Variants in CNIH3 observed in about 807,000 individuals in gnomAD.
The protein encoded by CNIH3 is cornichon family AMPA receptor auxiliary protein 3, also known as protein cornichon homolog 3.
Under a neutral mutation model 24.1 loss-of-function variants are expected in CNIH3, and 14 were observed. The observed-to-expected ratio is 0.58, with a 90% CI of 0.38 to 0.91. The LOEUF is 0.91. Among genes scored for constraint, CNIH3 ranks in the 40% least tolerant of loss-of-function variants. The pLI is 0.00. For missense variants in CNIH3, 178 were observed against 196.8 expected, an observed-to-expected ratio of 0.90 and a Z score of 0.57; for synonymous variants, 68 against 73.8, an observed-to-expected ratio of 0.92 and a Z score of 0.40.
intron 3 of CNIH3, among the ~76,000 whole-genome samples, chr1:224,720,037 G>C (rs1159091997): frequency 6.6e-6 from 1 of 152,136 alleles, no homozygotes; most frequent in Non-Finnish European, 1.5e-5. Context: ...CTCTGGGTCA[G>C]GACGTTCAGC....
At chr1:224,485,484 C>T (rs1386050884) in intron 1 of CNIH3, among the ~76,000 whole-genome samples, 1 of 152,022 alleles carries the variant, frequency 6.6e-6, no homozygotes, top group East Asian at 1.9e-4. Flanking sequence ...CTCACCTCAC[C>T]CCACCACCGC....
rs967462550 is a variant in CNIH3 at position 224,525,282 on chromosome 1, C to G, written n.343+3955C>G. On this transcript the variant is annotated intron_variant and non_coding_transcript_variant, in intron 2 of 2. Transcript: ENST00000470602. ...ATATTTGGTGTCATGCAACTTTTAA[C>G]TAAATGAAAGGAGAGTGGCTTTTAC... Among the ~76,000 whole-genome samples the G allele has an allele frequency of 5.3e-5, 8 of 152,218 alleles. No homozygotes were observed. In the East Asian group the frequency reaches 1.5e-3, roughly 29 times the overall value.
chr1:224,457,938 A>G (rs1335075610), intron 1 of CNIH3, among the ~76,000 whole-genome samples: 1 of 152,194 alleles, frequency 6.6e-6, no homozygotes, highest in African/African-American at 2.4e-5. Flanking sequence ...GGTGGTCCCT[A>G]GAGAGTGCAG....
intron 1 of CNIH3, among the ~76,000 whole-genome samples, chr1:224,456,510 G>A (rs1675661584): frequency 6.6e-6 from 1 of 152,228 alleles, no homozygotes. Flanking sequence ...TCCCGGGCTC[G>A]AGCCATCCTC....
chr1:224,708,670 C>G (rs1687960113), intron 3 of CNIH3, among the ~76,000 whole-genome samples: 1 of 152,202 alleles, frequency 6.6e-6, no homozygotes, highest in African/African-American at 2.4e-5. Context: ...TGTAGTATGA[C>G]ATGACTAGTC....
chr1:224,680,863 CTGTTG>C lies in CNIH3; in HGVS notation c.82-90_82-86del. ...CATGCCATCTACAGCCTCTTCCTTT[CTGTTG>C]TGTTATTTGGAAGCAAATCCACAGA... On this transcript the variant is annotated intron_variant, in intron 1 of 5. Transcript: ENST00000272133. 1.5e-5 allele frequency: 14 copies of C among 922,358 alleles called. No homozygotes were observed. The South Asian group carries it at 1.5e-4, about 10-fold the overall frequency. The allele number at this position is 922,358 out of a possible 1,614,324, so 57.1% of individuals were successfully genotyped here.
chr1:224,564,019 G>T (rs1192817103), intron 3 of CNIH3, among the ~76,000 whole-genome samples: 1 of 152,180 alleles, frequency 6.6e-6, no homozygotes, highest in Admixed American at 6.5e-5. Flanking sequence ...ATCCTGGAAA[G>T]GAATAGGTCC....
chr1:224,567,543 T>C (rs1680630319), intron 4 of CNIH3, among the ~76,000 whole-genome samples: 2 of 152,214 alleles, frequency 1.3e-5, no homozygotes, highest in South Asian at 4.1e-4. Flanking sequence ...CCTTTTGTAT[T>C]AGGTTGGTGC....
intron 1 of CNIH3, among the ~76,000 whole-genome samples, chr1:224,638,688 G>T (rs999307550): frequency 2.6e-5 from 4 of 152,150 alleles, no homozygotes; most frequent in Non-Finnish European, 5.9e-5. Context: ...CAAGTGATTA[G>T]AACATGCAGG....
At chr1:224,507,700 T>C (rs753595907) in intron 1 of CNIH3, among the ~76,000 whole-genome samples, 4 of 152,216 alleles carry the variant, frequency 2.6e-5, no homozygotes, top group Admixed American at 6.5e-5. Flanking sequence ...TCTTGTCCTG[T>C]AGTTGGATTC....
chr1:224,485,982 T>C (rs1337964147), intron 1 of CNIH3, among the ~76,000 whole-genome samples: 1 of 152,116 alleles, frequency 6.6e-6, no homozygotes, highest in Non-Finnish European at 1.5e-5. Flanking sequence ...TTGTCAGTCA[T>C]ATGGAAGGGA....
intron 3 of CNIH3, among the ~76,000 whole-genome samples, chr1:224,699,203 C>T (rs1251013659): frequency 1.3e-5 from 2 of 152,192 alleles, no homozygotes; most frequent in African/African-American, 2.4e-5. Context: ...CGGATGGGCC[C>T]TGTTCTCTTC....
intron 4 of CNIH3, among the ~76,000 whole-genome samples, chr1:224,571,527 C>T (rs1481747748): frequency 1.3e-5 from 2 of 151,984 alleles, no homozygotes; most frequent in Non-Finnish European, 2.9e-5. Flanking sequence ...GAGTTCAAGA[C>T]CAGCCTGGCC....
intron 3 of CNIH3, among the ~76,000 whole-genome samples, chr1:224,605,543 T>C (rs1682382125): frequency 6.6e-6 from 1 of 152,204 alleles, no homozygotes; most frequent in South Asian, 2.1e-4. Context: ...TTCTACATAA[T>C]TCCCAGCCAT....
intron 3 of CNIH3, among the ~76,000 whole-genome samples, chr1:224,690,841 C>T (rs1361070638): frequency 1.3e-5 from 2 of 152,116 alleles, no homozygotes; most frequent in Non-Finnish European, 2.9e-5. Context: ...GGCAGGTGCT[C>T]CAGGTATAGT....
intron 1 of CNIH3, among the ~76,000 whole-genome samples, chr1:224,439,212 G>A (rs1018964420): frequency 6.6e-6 from 1 of 152,148 alleles, no homozygotes; most frequent in East Asian, 1.9e-4. Context: ...TTCATGCCAT[G>A]GGCATTCAGT....
chr1:224,679,906 TC>T (rs1686317844), intron 1 of CNIH3, among the ~76,000 whole-genome samples: 1 of 152,184 alleles, frequency 6.6e-6, no homozygotes. Flanking sequence ...TATTTTATTT[TC>T]CTTTTTTTCT....
At chr1:224,686,150 TC>T (rs1004350928) in intron 3 of CNIH3, among the ~76,000 whole-genome samples, 8 of 106,410 alleles carry the variant, frequency 7.5e-5, no homozygotes, top group African/African-American at 2.5e-4. Context: ...ATGCTATCCC[TC>T]CCCCCTCCCC....
At chr1:224,504,576 A>T (rs1325752234) in intron 1 of CNIH3, among the ~76,000 whole-genome samples, 1 of 134,636 alleles carries the variant, frequency 7.4e-6, no homozygotes, top group Non-Finnish European at 1.6e-5. Context: ...CCTGCCTTCC[A>T]TGTTTCCTCT....
Sources: allele counts gnomAD v4.1 joint callset (sites outside exome capture counted in the v4.1 genomes callset), GRCh38; gene constraint gnomAD v4.1.1; transcripts MANE v1.5; gene names NCBI Gene and HGNC (gene_info 2026-07-23, HGNC 2026-07-21).